The following ZHX2 variants were observed in gnomAD, a reference collection of about 807,000 sequenced individuals.
The protein encoded by ZHX2 is zinc fingers and homeoboxes 2, also known as zinc fingers and homeoboxes protein 2.
Under a neutral mutation model 21.9 loss-of-function variants are expected in ZHX2, and 6 were observed. The ratio of observed to expected loss-of-function variants is 0.27; its 90% CI spans 0.15 to 0.54. The LOEUF (loss-of-function observed/expected upper bound fraction) is 0.54, where lower values mean the gene tolerates loss of function less well. Ranked by LOEUF, ZHX2 falls within the 20% of genes least tolerant of loss-of-function variation. The pLI is 0.95. For missense variants in ZHX2, 908 were observed against 1,090.7 expected (o/e 0.83, Z 2.36); for synonymous variants, 434 against 437.1 (o/e 0.99, Z 0.09).
intron 2 of ZHX2, among the ~76,000 whole-genome samples, chr8:122,928,120 C>T (rs1311189141): frequency 6.6e-6 from 1 of 152,148 alleles, no homozygotes. Context: ...TCCAAGAGGA[C>T]AGCCCTAAGC....
At chr8:122,852,642 C>T (rs746689192) in intron 1 of ZHX2, among the ~76,000 whole-genome samples, 4 of 151,934 alleles carry the variant, frequency 2.6e-5, no homozygotes, top group African/African-American at 4.8e-5. Context: ...GTTTCCAGCT[C>T]GAAAAAATCC....
At chr8:122,946,690 C>T (rs1168579346) in intron 2 of ZHX2, among the ~76,000 whole-genome samples, 1 of 152,114 alleles carries the variant, frequency 6.6e-6, no homozygotes, top group Non-Finnish European at 1.5e-5. Flanking sequence ...TGTCTTTCCT[C>T]CTCTCTTTTG....
intron 2 of ZHX2, among the ~76,000 whole-genome samples, chr8:122,875,151 A>T (rs1482951244): frequency 8.2e-4 from 6 of 7,328 alleles, no homozygotes; most frequent in African/African-American, 2.5e-3. Flanking sequence ...ATATATATAT[A>T]TATATATATA....
intron 2 of ZHX2, among the ~76,000 whole-genome samples, chr8:122,919,113 G>GTTCCTCCC: frequency 6.6e-6 from 1 of 152,118 alleles, no homozygotes; most frequent in Non-Finnish European, 1.5e-5. Flanking sequence ...ACTTAGCCAG[G>GTTCCTCCC]CAAGCCTTCC....
intron 1 of ZHX2, among the ~76,000 whole-genome samples, chr8:122,842,369 A>T (rs1818652102): frequency 6.6e-6 from 1 of 152,104 alleles, no homozygotes; most frequent in South Asian, 2.1e-4. Flanking sequence ...CTCCCAACAA[A>T]CTGAACCGCT....
At chr8:122,940,856 T>C (rs964697401) in intron 2 of ZHX2, among the ~76,000 whole-genome samples, 1 of 152,124 alleles carries the variant, frequency 6.6e-6, no homozygotes, top group African/African-American at 2.4e-5. Context: ...CAGCAAGCCA[T>C]CGAACCTCTC....
At chr8:122,884,312 C>T (rs1819787007) in intron 2 of ZHX2, among the ~76,000 whole-genome samples, 1 of 152,198 alleles carries the variant, frequency 6.6e-6, no homozygotes, top group East Asian at 1.9e-4. Flanking sequence ...TCTGTGCTCA[C>T]CTACTGTTTC....
At chr8:122,847,592 A>G (rs897167213) in intron 1 of ZHX2, among the ~76,000 whole-genome samples, 14 of 152,182 alleles carry the variant, frequency 9.2e-5, no homozygotes, top group Non-Finnish European at 1.9e-4. Flanking sequence ...GCCCTGACAC[A>G]CTGTACAGCT....
At chr8:122,792,521 A>G (rs1817536387) in intron 1 of ZHX2, among the ~76,000 whole-genome samples, 2 of 152,138 alleles carry the variant, frequency 1.3e-5, no homozygotes, top group African/African-American at 2.4e-5. Flanking sequence ...TAGTAACTCT[A>G]TGTTTAACTT....
chr8:122,911,121 C>T (rs1820470831), intron 2 of ZHX2, among the ~76,000 whole-genome samples: 1 of 152,186 alleles, frequency 6.6e-6, no homozygotes, highest in Non-Finnish European at 1.5e-5. Context: ...CGCAGGATGG[C>T]CTCATAAAAC....
At chr8:122,888,201 C>T (rs1369323976) in intron 2 of ZHX2, among the ~76,000 whole-genome samples, 6 of 152,192 alleles carry the variant, frequency 3.9e-5, no homozygotes, top group Admixed American at 6.5e-5. Context: ...GCAGACAGAG[C>T]CTGCAGAGTT....
At chr8:122,963,863 G>A (rs1265502398) in intron 3 of ZHX2, among the ~76,000 whole-genome samples, 1 of 91,378 alleles carries the variant, frequency 1.1e-5, no homozygotes, top group African/African-American at 6.2e-5. Flanking sequence ...ATATTCCTAA[G>A]TTGGGTTTTT....
intron 1 of ZHX2, among the ~76,000 whole-genome samples, chr8:122,839,214 T>A (rs1250741734): frequency 6.6e-6 from 1 of 152,110 alleles, no homozygotes; most frequent in East Asian, 1.9e-4. Flanking sequence ...CGCACTCCAT[T>A]CAGCCAAGTA....
intron 1 of ZHX2, among the ~76,000 whole-genome samples, chr8:122,814,712 C>A (rs1817996805): frequency 6.6e-6 from 1 of 152,172 alleles, no homozygotes; most frequent in Non-Finnish European, 1.5e-5. Flanking sequence ...GTGTCTGGCA[C>A]CCTCTGTAGA....
chr8:122,946,078 A>G (rs957252767), intron 2 of ZHX2, among the ~76,000 whole-genome samples: 25 of 152,228 alleles, frequency 1.6e-4, no homozygotes, highest in Admixed American at 5.9e-4. Flanking sequence ...ACCACTCGCT[A>G]TGGAAGGGAC....
intron 2 of ZHX2, among the ~76,000 whole-genome samples, chr8:122,927,013 C>T (rs938664907): frequency 1.4e-4 from 22 of 152,286 alleles, no homozygotes; most frequent in African/African-American, 5.1e-4. Flanking sequence ...TATAAGATAG[C>T]ATTCACAGGT....
chr8:122,939,943 C>G (rs1324329418), intron 2 of ZHX2, among the ~76,000 whole-genome samples: 2 of 152,152 alleles, frequency 1.3e-5, no homozygotes, highest in African/African-American at 4.8e-5. Flanking sequence ...GCTTACTAAT[C>G]AAAGTTATCC....
chr8:122,884,118 A>G (rs894621022), intron 2 of ZHX2, among the ~76,000 whole-genome samples: 3 of 152,194 alleles, frequency 2.0e-5, no homozygotes, highest in African/African-American at 7.2e-5. Flanking sequence ...ACTGCAGGCA[A>G]CTGTAACACA....
intron 1 of ZHX2, among the ~76,000 whole-genome samples, chr8:122,814,178 A>G (rs182052624): frequency 8.9e-4 from 135 of 152,332 alleles, no homozygotes; most frequent in African/African-American, 3.1e-3. Flanking sequence ...CCACATGCAT[A>G]AAGAGCCAAG....
Sources: gnomAD v4.1 joint callset for allele counts (sites outside exome capture counted in the v4.1 genomes callset) on GRCh38, gnomAD v4.1.1 for gene constraint, MANE v1.5 for transcripts, NCBI Gene and HGNC (gene_info 2026-07-23, HGNC 2026-07-21) for gene names.